Variants in MARCHF10 observed in about 807,000 individuals in gnomAD.
MARCHF10 encodes membrane associated ring-CH-type finger 10.
Under a neutral mutation model 76.2 loss-of-function variants are expected in MARCHF10, and 64 were observed. The ratio of observed to expected loss-of-function variants is 0.84; its 90% CI spans 0.69 to 1.03. MARCHF10 has a LOEUF of 1.03. MARCHF10 is among the 50% of genes least tolerant of loss of function. The pLI is 0.00. For synonymous variants in MARCHF10, 340 were observed against 357.5 expected (o/e 0.95, Z 0.55); for missense variants, 875 against 958.0 (o/e 0.91, Z 1.14).
At chr17:62,780,225 C>A (rs2092633020) in intron 3 of MARCHF10, among the ~76,000 whole-genome samples, 1 of 152,156 alleles carries the variant, frequency 6.6e-6, no homozygotes, top group Non-Finnish European at 1.5e-5. Context: ...TTAATTTAAA[C>A]TTAAAGTTTA....
rs1040056571 is a variant in MARCHF10, at chr17:62,711,135, G to A, written c.2328+96C>T. On this transcript the variant is annotated intron_variant, in intron 9 of 10. Coordinates refer to ENST00000311269, the MANE Select transcript of MARCHF10 (RefSeq NM_152598.4). The surrounding 1 kb of genome is among the most constrained non-coding windows in gnomAD (Gnocchi z 4.4). Reference sequence around the variant, plus strand: ...ATGATAGTCCCATATCCTCCCAAGCGACCGTGAGGACCTCAACAGCTTGCA... The same window carrying A: ...ATGATAGTCCCATATCCTCCCAAGCAACCGTGAGGACCTCAACAGCTTGCA... The A allele has an allele frequency of 2.5e-5, 24 of 944,054 alleles. No individual in the cohort carries two copies. Among genetic ancestry groups the A allele is most frequent in the African/African-American group, 1.6e-4 (10 of 61,628 alleles). The allele number at this position is 944,054 out of a possible 1,614,324, so 58.5% of individuals were successfully genotyped here.
intron 3 of MARCHF10, 49 bp downstream of exon 3, chr17:62,788,431 C>CGAG (rs1555715769): frequency 5.0e-6 from 8 of 1,597,326 alleles, no homozygotes; most frequent in Non-Finnish European, 6.8e-6. Context: ...ACCACCACCA[C>CGAG]CAGCAGCAGC....
chr17:62,730,553 G>A (rs1474085426), intron 6 of MARCHF10, among the ~76,000 whole-genome samples: 1 of 152,060 alleles, frequency 6.6e-6, no homozygotes, highest in Non-Finnish European at 1.5e-5. Context: ...TCTTTGAGGA[G>A]TATGTATTGT....
chr17:62,792,867 A>G (rs1305216409), intron 2 of MARCHF10, among the ~76,000 whole-genome samples: 1 of 99,110 alleles, frequency 1.0e-5, no homozygotes, highest in African/African-American at 4.1e-5. Flanking sequence ...AACCATCACC[A>G]CCCATCACCA....
intron 6 of MARCHF10, among the ~76,000 whole-genome samples, chr17:62,732,643 G>A (rs1335196404): frequency 6.6e-6 from 1 of 152,028 alleles, no homozygotes; most frequent in Non-Finnish European, 1.5e-5. Context: ...ATAGCATAAC[G>A]ATATCAGGTT....
chr17:62,717,513 C>T (rs1438583182), intron 8 of MARCHF10, among the ~76,000 whole-genome samples: 1 of 152,256 alleles, frequency 6.6e-6, no homozygotes, highest in Non-Finnish European at 1.5e-5. Flanking sequence ...CCATGGCTTT[C>T]CCCAGCCGGG....
intron 9 of MARCHF10, among the ~76,000 whole-genome samples, chr17:62,710,813 G>A (rs939109163): frequency 6.6e-5 from 10 of 151,794 alleles, no homozygotes; most frequent in African/African-American, 9.7e-5. Context: ...CTCTAGCCTC[G>A]GCCTCCCAAA....
At chr17:62,764,230 G>C (rs147276075) in intron 3 of MARCHF10, among the ~76,000 whole-genome samples, 1 of 152,294 alleles carries the variant, frequency 6.6e-6, no homozygotes, top group East Asian at 1.9e-4. Flanking sequence ...GGACAGAAAA[G>C]ACTTCAAGTT....
chr17:62,784,111 T>C (rs1258909700), intron 3 of MARCHF10, among the ~76,000 whole-genome samples: 8 of 152,186 alleles, frequency 5.3e-5, no homozygotes, highest in South Asian at 2.1e-4. Context: ...TGAACATCGA[T>C]GCGAAAATCC....
chr17:62,806,716 G>A (rs975857154), intron 1 of MARCHF10: 7 of 152,210 alleles, frequency 4.6e-5, no homozygotes, highest in African/African-American at 9.7e-5. Context: ...TGACATACAC[G>A]TTCTTCTCTA....
chr17:62,777,762 T>TTGAGAA (rs1348605251), intron 3 of MARCHF10, among the ~76,000 whole-genome samples: 1 of 149,668 alleles, frequency 6.7e-6, no homozygotes, highest in East Asian at 2.0e-4. Context: ...TAAATATGAT[T>TTGAGAA]TGAGAATGGC....
Position 62,744,952 on chromosome 17 carries a change from C to T in MARCHF10, c.383-424G>A, listed in dbSNP as rs532839506. ...CTGGGAGGCGGAGCTTGCAGTGAGC[C>T]GAGATGGTGCCACTGCACTCCAGCC... On this transcript the variant is annotated intron_variant, in intron 4 of 10. Transcript: ENST00000311269. Among the ~76,000 whole-genome samples, 52 of 132,240 alleles carry T rather than the reference C, an allele frequency of 3.9e-4. 1 individual carries two copies. The highest frequency in any genetic ancestry group is 5.3e-4 in the Admixed American group (6 of 11,330). 86.8% of individuals were successfully genotyped at this position (132,240 alleles called of 152,430 possible).
chr17:62,739,643 A>T (rs1247498390), intron 5 of MARCHF10, among the ~76,000 whole-genome samples: 1 of 152,052 alleles, frequency 6.6e-6, no homozygotes, highest in Non-Finnish European at 1.5e-5. Flanking sequence ...GGCCTCCCAA[A>T]GTGCTGGGAT....
At position 62,710,550 on chromosome 17, in the gene MARCHF10, C is replaced by CTTTTTTTTTTT. The variant is rs552647502; in HGVS notation, c.2328+670_2328+680dup. Among the ~76,000 whole-genome samples, 3 of 88,620 alleles carry CTTTTTTTTTTT rather than the reference C, an allele frequency of 3.4e-5. 1 individual carries two copies. Among genetic ancestry groups the CTTTTTTTTTTT allele is most frequent in the African/African-American group, 1.5e-4 (3 of 19,794 alleles). The allele number at this position is 88,620 out of a possible 152,430, so 58.1% of individuals were successfully genotyped here. A position where few individuals can be genotyped will look rare whatever the true frequency, so the allele number is the denominator to read the frequency against. Reference sequence around the variant, plus strand: ...CTTATGACTAACAGTTTGAACCCAGCTTTTTTTTTTTTTTTTTTTTTTTTT... The same window carrying CTTTTTTTTTTT: ...CTTATGACTAACAGTTTGAACCCAGCTTTTTTTTTTTTTTTTTTTTTTTTTTTTTTTTTTTT... On this transcript the variant is annotated intron_variant, in intron 9 of 10. Transcript: ENST00000311269.
intron 9 of MARCHF10, among the ~76,000 whole-genome samples, chr17:62,708,569 T>C (rs1363075680): frequency 6.6e-6 from 1 of 152,168 alleles, no homozygotes; most frequent in African/African-American, 2.4e-5. Flanking sequence ...ATTCAGTAGT[T>C]GACTGTGCAT....
At chr17:62,754,024 C>T (rs2091971195) in intron 4 of MARCHF10, among the ~76,000 whole-genome samples, 1 of 152,156 alleles carries the variant, frequency 6.6e-6, no homozygotes, top group African/African-American at 2.4e-5. Context: ...CGGATGACTT[C>T]ACTGATGATC....
At chr17:62,748,332 G>C (rs1406135070) in intron 4 of MARCHF10, among the ~76,000 whole-genome samples, 1 of 151,600 alleles carries the variant, frequency 6.6e-6, no homozygotes. Context: ...GGGAGGCGGA[G>C]GTTGCAGTGA....
chr17:62,737,454 C>T (rs1568137727), intron 5 of MARCHF10, 122 bp from the exon 6 acceptor site: 1 of 910,574 alleles, frequency 1.1e-6, no homozygotes, highest in Non-Finnish European at 1.7e-6. Flanking sequence ...AGAAAACAGA[C>T]ACGGTCAAAA....
intron 10 of MARCHF10, among the ~76,000 whole-genome samples, chr17:62,702,402 C>T (rs944429976): frequency 6.2e-5 from 9 of 145,250 alleles, no homozygotes; most frequent in East Asian, 2.0e-4. Flanking sequence ...GTAATCCCAG[C>T]GCTTTGGAAG....
Sources: gnomAD v4.1 joint callset for allele counts (sites outside exome capture counted in the v4.1 genomes callset) on GRCh38, gnomAD v4.1.1 for gene constraint, Gnocchi (gnomAD v3.1) non-coding constraint, MANE v1.5 for transcripts, NCBI Gene and HGNC (gene_info 2026-07-23, HGNC 2026-07-21) for gene names.